The following MAPK10 variants were observed in gnomAD, a reference collection of about 807,000 sequenced individuals.
The protein encoded by MAPK10 is JNK3 alpha protein kinase.
Under a neutral mutation model 59.3 loss-of-function variants are expected in MAPK10, and 25 were observed. The ratio of observed to expected loss-of-function variants is 0.42; its 90% CI spans 0.31 to 0.59. MAPK10 has a LOEUF of 0.59. Among genes scored for constraint, MAPK10 ranks in the 20% least tolerant of loss-of-function variants. The probability of loss-of-function intolerance (pLI) is 0.15; values close to 1 mark genes in which losing one functional copy is unlikely to be tolerated. For missense variants in MAPK10, 351 were observed against 568.9 expected (o/e 0.62, Z 3.90); for synonymous variants, 190 against 200.5 (o/e 0.95, Z 0.44).
intron 3 of MAPK10, among the ~76,000 whole-genome samples, chr4:86,177,560 T>C (rs1401726663): frequency 6.6e-6 from 1 of 152,142 alleles, no homozygotes. Flanking sequence ...GAGCTGTTTT[T>C]AAAAACCCAT....
chr4:86,264,887 A>AGT (rs1429792120), intron 2 of MAPK10, among the ~76,000 whole-genome samples: 1 of 101,296 alleles, frequency 9.9e-6, no homozygotes, highest in African/African-American at 3.7e-5. Flanking sequence ...ATGGCCCTGG[A>AGT]CTTTTTTTTT....
At chr4:86,507,621 T>G (rs1437154631) in intron 1 of MAPK10, among the ~76,000 whole-genome samples, 65 of 25,270 alleles carry the variant, frequency 2.6e-3, no homozygotes, top group African/African-American at 3.5e-3. Flanking sequence ...TGGAGATATA[T>G]ATATATATAT....
At chr4:86,593,125 G>T (rs1763206742) in intron 1 of MAPK10, among the ~76,000 whole-genome samples, 1 of 152,230 alleles carries the variant, frequency 6.6e-6, no homozygotes, top group South Asian at 2.1e-4. Flanking sequence ...TCAAGTGCTC[G>T]CCAAAGATAA....
intron 2 of MAPK10, among the ~76,000 whole-genome samples, chr4:86,233,492 T>TCCC (rs2091871084): frequency 6.6e-6 from 1 of 152,086 alleles, no homozygotes; most frequent in Non-Finnish European, 1.5e-5. Context: ...TTAACCTCCC[T>TCCC]CCCCCAAGGA....
At chr4:86,140,684 A>C (rs1386952285) in intron 4 of MAPK10, among the ~76,000 whole-genome samples, 1 of 151,524 alleles carries the variant, frequency 6.6e-6, no homozygotes, top group African/African-American at 2.4e-5. Context: ...AAAGTATAAT[A>C]ATAAAAAAAA....
chr4:86,392,593 C>T (rs768896869), intron 1 of MAPK10, among the ~76,000 whole-genome samples: 33 of 151,802 alleles, frequency 2.2e-4, no homozygotes, highest in Non-Finnish European at 4.0e-4. Flanking sequence ...CTGCCTGTTC[C>T]GGCAAACAAA....
chr4:86,149,413 C>T lies in MAPK10; in HGVS notation c.236+9885G>A, dbSNP rs1213598242. ...CCACAAGTAGCTGGGATTATAGGCACCCACCACCACGCCTGGCTAATTTTT... is the reference window on the plus strand; with the variant it reads ...CCACAAGTAGCTGGGATTATAGGCATCCACCACCACGCCTGGCTAATTTTT... On this transcript the variant is annotated intron_variant, in intron 4 of 13. Transcript: ENST00000641462. Among the ~76,000 whole-genome samples the T allele has an allele frequency of 4.6e-5, 7 of 152,190 alleles. No homozygotes were observed. In the South Asian group the frequency reaches 1.0e-3, roughly 23 times the overall value.
intron 3 of MAPK10, among the ~76,000 whole-genome samples, chr4:86,171,410 A>C (rs1019047539): frequency 2.6e-5 from 4 of 152,086 alleles, no homozygotes; most frequent in Admixed American, 6.5e-5. Context: ...CAGAGCCCTC[A>C]GAAATAACGC....
chr4:86,206,300 G>T (rs568439337), intron 2 of MAPK10, among the ~76,000 whole-genome samples: 1 of 151,404 alleles, frequency 6.6e-6, no homozygotes, highest in South Asian at 2.1e-4. Context: ...GCGGTGTTTG[G>T]TTTTTTGTTC....
chr4:86,200,230 C>A (rs77913324), intron 2 of MAPK10, among the ~76,000 whole-genome samples: 1 of 151,850 alleles, frequency 6.6e-6, no homozygotes, highest in Non-Finnish European at 1.5e-5. Flanking sequence ...CATTCTTAAG[C>A]GTACAGGTGG....
intron 2 of MAPK10, among the ~76,000 whole-genome samples, chr4:86,296,695 C>G (rs1051047991): frequency 2.0e-5 from 3 of 152,152 alleles, no homozygotes; most frequent in African/African-American, 7.2e-5. Context: ...ATCTAATCCA[C>G]TCTAAAAAGA....
At chr4:86,368,880 C>T (rs1324690113) in intron 1 of MAPK10, among the ~76,000 whole-genome samples, 1 of 79,168 alleles carries the variant, frequency 1.3e-5, no homozygotes, top group African/African-American at 3.2e-5. Context: ...CCTCAGGTAG[C>T]AGCAGCTTAA....
chr4:86,548,090 C>G (rs376527327), intron 1 of MAPK10, among the ~76,000 whole-genome samples: 3 of 152,160 alleles, frequency 2.0e-5, no homozygotes, highest in Non-Finnish European at 4.4e-5. Flanking sequence ...TGCAATAAAT[C>G]TTGCTGCTGC....
intron 2 of MAPK10, among the ~76,000 whole-genome samples, chr4:86,315,766 T>C (rs559815114): frequency 6.6e-6 from 1 of 152,266 alleles, no homozygotes; most frequent in South Asian, 2.1e-4. Flanking sequence ...GGCAAAGTAA[T>C]ACATTTTTAA....
rs78517821 is a variant in MAPK10 at position 86,145,677 on chromosome 4, T to C, written c.236+13621A>G. On this transcript the variant is annotated intron_variant, in intron 4 of 13. Coordinates refer to ENST00000641462, the MANE Select transcript of MAPK10 (RefSeq NM_138982.4). ...GTGTGTTCTCTCTTCCTCTTCCTCA[T>C]TGTGTATCTGTCATCTATTTCTCTC... Among the ~76,000 whole-genome samples the C allele has an allele frequency of 2.3e-3, 350 of 152,276 alleles. 10 individuals carry two copies. The East Asian group carries it at 0.056, about 25-fold the overall frequency.
chr4:86,349,765 C>T (rs940690313), intron 2 of MAPK10, among the ~76,000 whole-genome samples: 1 of 152,166 alleles, frequency 6.6e-6, no homozygotes, highest in Non-Finnish European at 1.5e-5. Context: ...ATCAGTGTGT[C>T]TGTCTGAGTA....
chr4:86,123,671 A>C (rs905802410), intron 4 of MAPK10: 14 of 152,034 alleles, frequency 9.2e-5, no homozygotes, highest in African/African-American at 3.1e-4. Context: ...ATTTATCACT[A>C]TTATTTTCAT....
chr4:86,405,209 C>T (rs1039671049), intron 1 of MAPK10, among the ~76,000 whole-genome samples: 4 of 152,054 alleles, frequency 2.6e-5, no homozygotes, highest in Non-Finnish European at 5.9e-5. Flanking sequence ...TCTGACATAA[C>T]CAATTTTGAG....
At chr4:86,338,803 T>C (rs1723122804) in intron 2 of MAPK10, among the ~76,000 whole-genome samples, 2 of 152,142 alleles carry the variant, frequency 1.3e-5, no homozygotes, top group African/African-American at 4.8e-5. Context: ...TGAAAGTGCT[T>C]GGTAATGATC....
Sources: allele counts gnomAD v4.1 joint callset (sites outside exome capture counted in the v4.1 genomes callset), GRCh38; gene constraint gnomAD v4.1.1; transcripts MANE v1.5; gene names NCBI Gene and HGNC (gene_info 2026-07-23, HGNC 2026-07-21).